The following DNM1L variants were observed in gnomAD, a reference collection of about 807,000 sequenced individuals.
DNM1L encodes the protein dynamin 1L.
A neutral mutation model predicts 92.8 loss-of-function variants in DNM1L; 33 were observed. That is an observed-to-expected ratio of 0.36 (90% CI 0.27 to 0.48). DNM1L has a LOEUF of 0.48. Ranked by LOEUF, DNM1L falls within the 20% of genes least tolerant of loss-of-function variation. The pLI, the probability that DNM1L is intolerant of heterozygous loss-of-function variation, is 0.99. For missense variants in DNM1L, 485 were observed against 888.8 expected, an observed-to-expected ratio of 0.55 and a Z score of 5.78; for synonymous variants, 284 against 305.0, an observed-to-expected ratio of 0.93 and a Z score of 0.72.
At position 32,732,176 on chromosome 12, in the gene DNM1L, G is replaced by A. The variant is rs10844328; in HGVS notation, c.1446+233G>A. On this transcript the variant is annotated intron_variant, in intron 12 of 19. Coordinates refer to ENST00000549701, the MANE Select transcript of DNM1L (RefSeq NM_012062.5). ...TATTTTAATCATTGTTAGCCTGCAG[G>A]CATGGGTTTTCTTGAAAATAGATTT... 0.14 allele frequency among the ~76,000 whole-genome samples: 21,518 copies of A among 152,096 alleles called. 1,561 individuals are homozygous for A. Among genetic ancestry groups the A allele is most frequent in the Middle Eastern group, 0.19 (56 of 294 alleles).
At chr12:32,708,855 C>G (rs1953022425) in intron 4 of DNM1L, among the ~76,000 whole-genome samples, 1 of 151,840 alleles carries the variant, frequency 6.6e-6, no homozygotes, top group African/African-American at 2.4e-5. Flanking sequence ...CTTCTTTATT[C>G]CTATTATTTT....
intron 12 of DNM1L, among the ~76,000 whole-genome samples, chr12:32,732,189 T>G (rs1410084585): frequency 6.6e-6 from 1 of 152,242 alleles, no homozygotes; most frequent in Non-Finnish European, 1.5e-5. Context: ...TGGGTTTTCT[T>G]GAAAATAGAT....
intron 14 of DNM1L, 129 bp downstream of exon 14, chr12:32,737,290 G>A (rs1433520969): frequency 1.1e-6 from 1 of 880,040 alleles, no homozygotes; most frequent in Middle Eastern, 2.8e-4. Flanking sequence ...AACTAACTGA[G>A]TAAAGGCATA....
In DNM1L at chr12:32,737,844, C is replaced by G. The variant is rs779421960; in HGVS notation, c.1597-21C>G. 1.9e-6 allele frequency: 3 copies of G among 1,609,024 alleles called. No homozygotes were observed. In the South Asian group the frequency reaches 3.3e-5, roughly 18 times the overall value. ...TTTTGCATCCTTGATTTTTTTTCCC[C>G]CCTGGATTTTTTGCCTTTAGTCTTC... On this transcript the variant is annotated intron_variant, in intron 14 of 19. Coordinates refer to ENST00000549701, the MANE Select transcript of DNM1L (RefSeq NM_012062.5).
chr12:32,694,524 A>G (rs1419109698), intron 1 of DNM1L, among the ~76,000 whole-genome samples: 3 of 152,224 alleles, frequency 2.0e-5, no homozygotes, highest in African/African-American at 7.2e-5. Flanking sequence ...TTATGACTGA[A>G]GTATAAAATA....
At chr12:32,737,841 C>A (rs1339023370) in intron 14 of DNM1L, 24 bp from the exon 15 acceptor site, 1 of 1,592,688 alleles carries the variant, frequency 6.3e-7, no homozygotes, top group Admixed American at 1.7e-5. Context: ...GATTTTTTTT[C>A]CCCCCTGGAT....
intron 1 of DNM1L, among the ~76,000 whole-genome samples, chr12:32,686,932 T>C (rs1952034350): frequency 1.5e-5 from 2 of 131,952 alleles, no homozygotes; most frequent in South Asian, 2.3e-4. Flanking sequence ...AGAGTTCTTT[T>C]TTTTCTTTTT....
At chr12:32,716,278 A>G (rs1220756821) in intron 6 of DNM1L, among the ~76,000 whole-genome samples, 2 of 152,096 alleles carry the variant, frequency 1.3e-5, no homozygotes, top group African/African-American at 2.4e-5. Flanking sequence ...TGGTTGTGAC[A>G]TATCTCTTGG....
chr12:32,704,699 A>T (rs1394584242), intron 2 of DNM1L, among the ~76,000 whole-genome samples: 1 of 152,202 alleles, frequency 6.6e-6, no homozygotes, highest in East Asian at 1.9e-4. Context: ...TACACATTAG[A>T]ATTAAAGGAA....
intron 6 of DNM1L, among the ~76,000 whole-genome samples, chr12:32,718,290 T>C (rs2137422448): frequency 6.6e-6 from 1 of 151,384 alleles, no homozygotes; most frequent in East Asian, 1.9e-4. Flanking sequence ...TACAGGCGTC[T>C]GCCACTGTGC....
intron 12 of DNM1L, among the ~76,000 whole-genome samples, chr12:32,732,340 C>T (rs1406188017): frequency 6.6e-6 from 1 of 152,086 alleles, no homozygotes; most frequent in Non-Finnish European, 1.5e-5. Flanking sequence ...GTAATCTGGC[C>T]ACTTCTGCAG....
chr12:32,700,154 T>C (rs952761762), intron 1 of DNM1L, among the ~76,000 whole-genome samples: 11 of 152,078 alleles, frequency 7.2e-5, no homozygotes, highest in Non-Finnish European at 1.3e-4. Flanking sequence ...GGAGTCTTGC[T>C]CTATGCCCAG....
intron 9 of DNM1L, chr12:32,726,319 G>A (rs1469953734): frequency 2.2e-6 from 3 of 1,346,638 alleles, no homozygotes; most frequent in East Asian, 2.3e-5. Context: ...AAGGCAGTAA[G>A]TAAGAATTGT....
intron 1 of DNM1L, chr12:32,679,890 G>A: frequency 1.0e-6 from 1 of 988,932 alleles, no homozygotes; most frequent in African/African-American, 1.7e-5. Flanking sequence ...CATCACTGTT[G>A]GCTTTCGTGA....
In DNM1L at chr12:32,745,515, T is replaced by C. The variant is rs1353608318; in HGVS notation, c.*2105T>C. On this transcript the variant is annotated 3_prime_UTR_variant, in exon 20 of 20. Transcript: ENST00000549701. Reference sequence around the variant, plus strand: ...CTCTGACGATACCTGTATGTTCTTATTGTGTAAATAAAATTGCTGGTATGA... The same window carrying C: ...CTCTGACGATACCTGTATGTTCTTACTGTGTAAATAAAATTGCTGGTATGA... 2 of 152,370 alleles carry C rather than the reference T, an allele frequency of 1.3e-5. No individual in the cohort carries two copies. The highest frequency in any genetic ancestry group is 2.4e-5 in the African/African-American group (1 of 41,458). The allele number at this position is 152,370 out of a possible 1,614,324, so 9.4% of individuals were successfully genotyped here.
chr12:32,715,378 T>A (rs187004817), intron 6 of DNM1L, among the ~76,000 whole-genome samples: 1 of 152,186 alleles, frequency 6.6e-6, no homozygotes, highest in Admixed American at 6.5e-5. Flanking sequence ...TTAAGTAAAT[T>A]ATAATAATAA....
At chr12:32,733,526 T>C (rs1954696775) in intron 12 of DNM1L, 189 bp from the exon 13 acceptor site, 1 of 576,090 alleles carries the variant, frequency 1.7e-6, no homozygotes, top group Non-Finnish European at 3.1e-6. Context: ...ATGTAAATAA[T>C]TTTAAAGCTA....
At position 32,743,484 on chromosome 12, in the gene DNM1L, T is replaced by C; in HGVS notation, c.*74T>C. ...ACTGCCTACCTGAGTAGAATCTTAT[T>C]TATGAACTCCTGTGTATTGCAATGG... On this transcript the variant is annotated 3_prime_UTR_variant, in exon 20 of 20. Transcript: ENST00000549701. 5 of 1,404,416 alleles carry C rather than the reference T, an allele frequency of 3.6e-6. No homozygotes were observed. The highest frequency in any genetic ancestry group is 5.0e-6 in the Non-Finnish European group (5 of 993,642). 87.0% of individuals were successfully genotyped at this position (1,404,416 alleles called of 1,614,324 possible).
rs1010100537 is a variant in DNM1L at position 32,731,980 on chromosome 12, T to C, written c.1446+37T>C. Reference sequence around the variant, plus strand: ...TAGCATAGATCATTGTAATTACTATTAGTAAAAGTTTAAATTTTTGCTTGG... The same window carrying C: ...TAGCATAGATCATTGTAATTACTATCAGTAAAAGTTTAAATTTTTGCTTGG... On this transcript the variant is annotated intron_variant, in intron 12 of 19. Coordinates refer to ENST00000549701, the MANE Select transcript of DNM1L (RefSeq NM_012062.5). This position sits in a 1 kb window ranked among gnomAD's most constrained non-coding sequence, Gnocchi z 5.1. 5 of 1,512,626 alleles carry C rather than the reference T, an allele frequency of 3.3e-6. No homozygotes were observed. Among genetic ancestry groups the C allele is most frequent in the Non-Finnish European group, 4.6e-6 (5 of 1,089,038 alleles). The allele number at this position is 1,512,626 out of a possible 1,614,324, so 93.7% of individuals were successfully genotyped here.
Sources: allele counts gnomAD v4.1 joint callset (sites outside exome capture counted in the v4.1 genomes callset), GRCh38; gene constraint gnomAD v4.1.1; non-coding constraint Gnocchi (gnomAD v3.1); transcripts MANE v1.5; gene names NCBI Gene and HGNC (gene_info 2026-07-23, HGNC 2026-07-21).